The following GABRG3 variants were observed in gnomAD, a reference collection of about 807,000 sequenced individuals.
GABRG3 encodes gamma-aminobutyric acid type A receptor subunit gamma3, also known as gamma-aminobutyric acid receptor subunit gamma-3.
In GABRG3, 25 loss-of-function variants were observed where a neutral mutation model predicts 48.8. The ratio of observed to expected loss-of-function variants is 0.51; its 90% CI spans 0.37 to 0.72. GABRG3 has a LOEUF of 0.72. Among genes scored for constraint, GABRG3 ranks in the 30% least tolerant of loss-of-function variants. The probability of loss-of-function intolerance (pLI) is 0.00; values close to 1 mark genes in which losing one functional copy is unlikely to be tolerated. For synonymous variants in GABRG3, 227 were observed against 217.6 expected (o/e 1.04, Z -0.38); for missense variants, 394 against 577.9 (o/e 0.68, Z 3.26).
intron 5 of GABRG3, among the ~76,000 whole-genome samples, chr15:27,420,043 A>ACCC (rs1888064833): frequency 6.6e-6 from 1 of 152,238 alleles, no homozygotes; most frequent in Non-Finnish European, 1.5e-5. Context: ...GCTGTGAAGA[A>ACCC]CACCAAGGGT....
intron 3 of GABRG3, among the ~76,000 whole-genome samples, chr15:27,062,434 T>TTAAAAAAAAAAAAAAAAAAAAAAAAAAA (rs773271266): frequency 9.1e-5 from 3 of 32,864 alleles, no homozygotes; most frequent in Non-Finnish European, 2.5e-4. Flanking sequence ...CCATCTCTAC[T>TTAAAAAAAAAAAAAAAAAAAAAAAAAAA]AAAAAAAAAA....
At chr15:27,043,098 C>G (rs1365866164) in intron 3 of GABRG3, among the ~76,000 whole-genome samples, 1 of 152,180 alleles carries the variant, frequency 6.6e-6, no homozygotes, top group African/African-American at 2.4e-5. Flanking sequence ...GAATCTCTTC[C>G]CCCCACCCCA....
chr15:27,291,195 A>G (rs1029009292), intron 3 of GABRG3, among the ~76,000 whole-genome samples: 2 of 152,234 alleles, frequency 1.3e-5, no homozygotes, highest in African/African-American at 4.8e-5. Flanking sequence ...AAACATTTCC[A>G]AGATGTTCAG....
At chr15:27,083,436 G>A (rs1267059792) in intron 3 of GABRG3, among the ~76,000 whole-genome samples, 6 of 151,334 alleles carry the variant, frequency 4.0e-5, no homozygotes, top group African/African-American at 9.7e-5. Flanking sequence ...GGATTCAAGC[G>A]ATTCTCCTGC....
intron 3 of GABRG3, among the ~76,000 whole-genome samples, chr15:27,227,594 G>A (rs759090180): frequency 9.2e-5 from 14 of 152,152 alleles, no homozygotes; most frequent in African/African-American, 2.7e-4. Flanking sequence ...GGCTGAGGCA[G>A]GAGGATTGCT....
chr15:27,200,145 C>G (rs1888634450), intron 3 of GABRG3, among the ~76,000 whole-genome samples: 2 of 152,146 alleles, frequency 1.3e-5, no homozygotes, highest in East Asian at 3.9e-4. Flanking sequence ...GGATTGTTTA[C>G]CAGCTGCTCT....
intron 5 of GABRG3, among the ~76,000 whole-genome samples, chr15:27,371,281 A>T (rs969009441): frequency 1.7e-4 from 25 of 151,100 alleles, no homozygotes; most frequent in African/African-American, 5.4e-4. Context: ...GACAGTGAAC[A>T]TTTTTTTTTC....
At chr15:27,387,591 AAT>A (rs1323191726) in intron 5 of GABRG3, among the ~76,000 whole-genome samples, 1 of 151,700 alleles carries the variant, frequency 6.6e-6, no homozygotes, top group African/African-American at 2.4e-5. Context: ...CACATGTGTG[AAT>A]ATGTTTTCTT....
intron 3 of GABRG3, among the ~76,000 whole-genome samples, chr15:27,092,808 A>G (rs1897211638): frequency 6.6e-6 from 1 of 152,090 alleles, no homozygotes; most frequent in Non-Finnish European, 1.5e-5. Context: ...GAATTCACAG[A>G]AGTCCATCAA....
Position 27,380,786 on chromosome 15 carries a change from CA to C in GABRG3, c.574+51899del, listed in dbSNP as rs1209345256. On this transcript the variant is annotated intron_variant, in intron 5 of 9. Coordinates refer to ENST00000615808, the MANE Select transcript of GABRG3 (RefSeq NM_033223.5). ...TGGTTTTTTTTTTTTTTTTTTGAGA[CA>C]GCGAGTCTCACTCTGTTGCCCAGGC... is the stretch of plus-strand genomic sequence containing the variant. Among the ~76,000 whole-genome samples the C allele has an allele frequency of 2.6e-3, 342 of 131,684 alleles. 11 individuals carry two copies. The East Asian group carries it at 0.063, about 24-fold the overall frequency. The allele number at this position is 131,684 out of a possible 152,430, so 86.4% of individuals were successfully genotyped here. A position where few individuals can be genotyped will look rare whatever the true frequency, so the allele number is the denominator to read the frequency against.
chr15:27,246,924 T>C (rs11853409), intron 3 of GABRG3, among the ~76,000 whole-genome samples: 46,712 of 152,118 alleles, frequency 0.31, 10,971 homozygotes, highest in African/African-American at 0.64. Context: ...GTGTGTTGCA[T>C]GTGTGTTCAT....
rs116169593 is a variant in GABRG3 at position 27,500,332 on chromosome 15, C to A, written c.712+19545C>A. On this transcript the variant is annotated intron_variant, in intron 6 of 9. Coordinates refer to ENST00000615808, the MANE Select transcript of GABRG3 (RefSeq NM_033223.5). ...AGCTCCCAGAAGCCAAGACAGCACCCGACACACAGCCCGAGGCAGAAGGGG... is the reference window on the plus strand; with the variant it reads ...AGCTCCCAGAAGCCAAGACAGCACCAGACACACAGCCCGAGGCAGAAGGGG... Among the ~76,000 whole-genome samples the A allele has an allele frequency of 3.1e-3, 467 of 152,256 alleles. 6 individuals are homozygous for A. The highest frequency in any genetic ancestry group is 0.01 in the African/African-American group (434 of 41,552).
intron 3 of GABRG3, among the ~76,000 whole-genome samples, chr15:27,122,438 G>T (rs1158219550): frequency 6.6e-6 from 1 of 152,192 alleles, no homozygotes; most frequent in Non-Finnish European, 1.5e-5. Context: ...GAAATAACTT[G>T]TTCAGGTTCC....
In GABRG3 at chr15:27,180,523, C is replaced by T. The variant is rs1251201827; in HGVS notation, c.271-146286C>T. Among the ~76,000 whole-genome samples, 1 of 152,004 alleles carries T rather than the reference C, an allele frequency of 6.6e-6. No individual in the cohort carries two copies. On this transcript the variant is annotated intron_variant, in intron 3 of 9. Coordinates refer to ENST00000615808, the MANE Select transcript of GABRG3 (RefSeq NM_033223.5). This position sits in a 1 kb window ranked among gnomAD's most constrained non-coding sequence, Gnocchi z 4.2. ...GCTGCGCTTCCCTCAACAAACCCTG[C>T]TCCACGTATACCCTCAGGTTCAACT...
At position 27,265,136 on chromosome 15, in the gene GABRG3, A is replaced by G. The variant is rs147441354; in HGVS notation, c.271-61673A>G. On this transcript the variant is annotated intron_variant, in intron 3 of 9. Coordinates refer to ENST00000615808, the MANE Select transcript of GABRG3 (RefSeq NM_033223.5). ...AACCTCTACAAAAAAGTTTACATCA[A>G]TCTAAAGCCCCTCCTCCATTTTACC... Among the ~76,000 whole-genome samples the G allele has an allele frequency of 4.1e-3, 628 of 152,136 alleles. 6 individuals are homozygous for G. The highest frequency in any genetic ancestry group is 0.014 in the African/African-American group (594 of 41,492).
intron 5 of GABRG3, among the ~76,000 whole-genome samples, chr15:27,448,893 A>G (rs1889024490): frequency 6.6e-6 from 1 of 152,230 alleles, no homozygotes; most frequent in African/African-American, 2.4e-5. Context: ...GGTCTAGGTC[A>G]GGGATTTCCC....
At chr15:26,982,453 G>A (rs1465950885) in intron 2 of GABRG3, among the ~76,000 whole-genome samples, 1 of 152,152 alleles carries the variant, frequency 6.6e-6, no homozygotes, top group African/African-American at 2.4e-5. Context: ...GATCTCTCTG[G>A]CTCTATAGCA....
At chr15:27,448,295 G>A (rs527800566) in intron 5 of GABRG3, among the ~76,000 whole-genome samples, 4 of 152,292 alleles carry the variant, frequency 2.6e-5, no homozygotes, top group African/African-American at 7.2e-5. Context: ...CCCAATGGAC[G>A]TGGAGGGCAC....
At chr15:27,161,669 G>T (rs191799508) in intron 3 of GABRG3, among the ~76,000 whole-genome samples, 2 of 151,858 alleles carry the variant, frequency 1.3e-5, no homozygotes, top group Admixed American at 6.6e-5. Context: ...GAATATATTA[G>T]CATTCACATT....
Sources: allele counts gnomAD v4.1 joint callset (sites outside exome capture counted in the v4.1 genomes callset), GRCh38; gene constraint gnomAD v4.1.1; non-coding constraint Gnocchi (gnomAD v3.1); transcripts MANE v1.5; gene names NCBI Gene and HGNC (gene_info 2026-07-23, HGNC 2026-07-21).